The following KIF13A variants were observed in gnomAD, a reference collection of about 807,000 sequenced individuals.
The protein encoded by KIF13A is kinesin-like protein KIF13A.
In KIF13A, 79 loss-of-function variants were observed where a neutral mutation model predicts 212.2. The ratio of observed to expected loss-of-function variants is 0.37; its 90% CI spans 0.31 to 0.45. The LOEUF is 0.45. KIF13A is among the 20% of genes least tolerant of loss of function. The pLI is 1.00. For synonymous variants in KIF13A, 789 were observed against 808.6 expected (o/e 0.98, Z 0.41); for missense variants, 1,901 against 2,209.0 (o/e 0.86, Z 2.79).
chr6:17,946,806 A>G (rs1777440003), intron 2 of KIF13A, among the ~76,000 whole-genome samples: 1 of 152,256 alleles, frequency 6.6e-6, no homozygotes, highest in Non-Finnish European at 1.5e-5. Context: ...AATGTCCATC[A>G]ACAATGAAAG....
Position 17,789,336 on chromosome 6 carries a change from A to T in KIF13A, c.3261+536T>A, listed in dbSNP as rs919482240. Among the ~76,000 whole-genome samples, 2 of 152,158 alleles carry T rather than the reference A, an allele frequency of 1.3e-5. No individual in the cohort carries two copies. Among genetic ancestry groups the T allele is most frequent in the Non-Finnish European group, 2.9e-5 (2 of 68,024 alleles). The stretch of plus-strand genomic sequence containing the variant: ...AAGAAAGCTGGCTAAACAAAACACA[A>T]TTATGCGCATAAAATGTCTCCAATT... On this transcript the variant is annotated intron_variant, in intron 26 of 38. Coordinates refer to ENST00000259711, the MANE Select transcript of KIF13A (RefSeq NM_022113.6). The surrounding 1 kb of genome is among the most constrained non-coding windows in gnomAD (Gnocchi z 4.8).
chr6:17,928,380 T>A (rs557704427), intron 2 of KIF13A, among the ~76,000 whole-genome samples: 1 of 152,294 alleles, frequency 6.6e-6, no homozygotes, highest in African/African-American at 2.4e-5. Context: ...TGAGAGAATC[T>A]AGACACTCTC....
At position 17,845,204 on chromosome 6, in the gene KIF13A, G is replaced by A. The variant is rs189494083; in HGVS notation, c.830+4173C>T. On this transcript the variant is annotated intron_variant, in intron 9 of 38. Coordinates refer to ENST00000259711, the MANE Select transcript of KIF13A (RefSeq NM_022113.6). ...ATTCACGACCATGAGAACAGCATGAGGGAAACCGCTCCCATGATTCAATTA... is the reference window on the plus strand; with the variant it reads ...ATTCACGACCATGAGAACAGCATGAAGGAAACCGCTCCCATGATTCAATTA... Among the ~76,000 whole-genome samples the A allele has an allele frequency of 1.9e-4, 29 of 152,212 alleles. No homozygotes were observed. The East Asian group carries it at 4.4e-3, about 23-fold the overall frequency.
At chr6:17,881,380 T>C (rs1323673243) in intron 3 of KIF13A, 1 of 393,480 alleles carries the variant, frequency 2.5e-6, no homozygotes, top group South Asian at 2.0e-5. Flanking sequence ...TGTAGTACAG[T>C]TAAACTCCAC....
Position 17,915,616 on chromosome 6 carries a change from G to A in KIF13A, c.147-17436C>T, listed in dbSNP as rs1186820635. On this transcript the variant is annotated intron_variant, in intron 2 of 38. Transcript: ENST00000259711. The surrounding 1 kb of genome is among the most constrained non-coding windows in gnomAD (Gnocchi z 4.4). Reference sequence around the variant, plus strand: ...CCTACTGATTCTGTAGGACATCACTGCAGAACCATGTAGTTTCAATGTCAC... The same window carrying A: ...CCTACTGATTCTGTAGGACATCACTACAGAACCATGTAGTTTCAATGTCAC... Among the ~76,000 whole-genome samples the A allele has an allele frequency of 6.6e-6, 1 of 152,082 alleles. No individual in the cohort carries two copies. Among genetic ancestry groups the A allele is most frequent in the African/African-American group, 2.4e-5 (1 of 41,388 alleles).
At chr6:17,796,960 A>T (rs1762088625) in intron 22 of KIF13A, 140 bp from the exon 23 acceptor site, 1 of 464,516 alleles carries the variant, frequency 2.2e-6, no homozygotes, top group African/African-American at 2.0e-5. Context: ...GTTTTATAGA[A>T]AACCATAAAG....
intron 20 of KIF13A, among the ~76,000 whole-genome samples, chr6:17,802,932 G>GTTTTTTTTT (rs750485926): frequency 1.3e-4 from 14 of 111,144 alleles, no homozygotes; most frequent in East Asian, 3.0e-4. Context: ...TGTTTTTTTT[G>GTTTTTTTTT]TTTTTTTTTG....
At chr6:17,921,005 T>C (rs578216332) in intron 2 of KIF13A, among the ~76,000 whole-genome samples, 1 of 151,974 alleles carries the variant, frequency 6.6e-6, no homozygotes, top group Admixed American at 6.6e-5. Flanking sequence ...ACTGGAAAAA[T>C]TCCACTGCAA....
At chr6:17,911,322 T>G (rs542095435) in intron 2 of KIF13A, among the ~76,000 whole-genome samples, 1 of 152,340 alleles carries the variant, frequency 6.6e-6, no homozygotes, top group East Asian at 1.9e-4. Context: ...CCTTCGGGTG[T>G]GCATCAAATG....
Position 17,884,585 on chromosome 6 carries a change from G to A in KIF13A, c.160-11148C>T, listed in dbSNP as rs373710759. Among the ~76,000 whole-genome samples, 7 of 152,200 alleles carry A rather than the reference G, an allele frequency of 4.6e-5. No homozygotes were observed. The East Asian group carries it at 9.6e-4, about 21-fold the overall frequency. On this transcript the variant is annotated intron_variant, in intron 3 of 38. Transcript: ENST00000259711. The stretch of plus-strand genomic sequence containing the variant: ...ATGTGTGTGGGAGTTGCTACAGACT[G>A]TTTGGTTCTGTGTCAAAAATATCAA...
chr6:17,887,307 A>G (rs887108659), intron 3 of KIF13A, among the ~76,000 whole-genome samples: 1 of 152,180 alleles, frequency 6.6e-6, no homozygotes, highest in African/African-American at 2.4e-5. Flanking sequence ...TCAGGGAAAT[A>G]TATTTTCGTT....
At chr6:17,870,436 G>A (rs1206770004) in intron 4 of KIF13A, among the ~76,000 whole-genome samples, 1 of 151,702 alleles carries the variant, frequency 6.6e-6, no homozygotes, top group East Asian at 1.9e-4. Flanking sequence ...TGTATGTAAT[G>A]AAGTCATTTC....
intron 2 of KIF13A, among the ~76,000 whole-genome samples, chr6:17,964,874 G>C (rs1293678715): frequency 2.0e-5 from 3 of 152,164 alleles, no homozygotes; most frequent in Non-Finnish European, 4.4e-5. Context: ...CCAGGCTGGA[G>C]TGTAGTGGTG....
In KIF13A at chr6:17,933,659, G is replaced by A. The variant is rs114343808; in HGVS notation, c.147-35479C>T. On this transcript the variant is annotated intron_variant, in intron 2 of 38. Transcript: ENST00000259711. Reference sequence around the variant, plus strand: ...TTTTTTTTAAGTTTATTGATTTCCTGACACGGGAAAAATATTATGTACAGT... The same window carrying A: ...TTTTTTTTAAGTTTATTGATTTCCTAACACGGGAAAAATATTATGTACAGT... Among the ~76,000 whole-genome samples the A allele has an allele frequency of 5.7e-3, 866 of 152,110 alleles. 6 individuals carry two copies. Among genetic ancestry groups the A allele is most frequent in the African/African-American group, 0.02 (815 of 41,476 alleles).
chr6:17,770,187 A>G (rs1269857043), intron 38 of KIF13A, among the ~76,000 whole-genome samples: 3 of 151,724 alleles, frequency 2.0e-5, no homozygotes, highest in African/African-American at 7.3e-5. Flanking sequence ...GTGTCGCTGG[A>G]AAATGAGACT....
chr6:17,961,770 G>A lies in KIF13A; in HGVS notation c.146+25284C>T, dbSNP rs1289897281. Among the ~76,000 whole-genome samples the A allele has an allele frequency of 2.0e-5, 3 of 152,232 alleles. No individual in the cohort carries two copies. The highest frequency in any genetic ancestry group is 4.1e-4 in the South Asian group (2 of 4,822). On this transcript the variant is annotated intron_variant, in intron 2 of 38. Coordinates refer to ENST00000259711, the MANE Select transcript of KIF13A (RefSeq NM_022113.6). The surrounding 1 kb of genome is among the most constrained non-coding windows in gnomAD (Gnocchi z 4.1). ...AAGTAAGATGTCCACCTCCAGCAAC[G>A]ACATAGACTGCAGCGCACACCAGGC...
chr6:17,923,614 C>T (rs1042643119), intron 2 of KIF13A, among the ~76,000 whole-genome samples: 2 of 151,956 alleles, frequency 1.3e-5, no homozygotes, highest in African/African-American at 4.8e-5. Flanking sequence ...GGGTGACCCT[C>T]TTCACAATTA....
rs1765413719 is a variant in KIF13A at position 17,831,167 on chromosome 6, G to A, written c.1335C>T (p.Asp445=). ...CATTCAGATTGACTAAGTAGCATTT[G>A]TCATCCCCCACCTTGATACCGGACA... ...LEMSGIKVGD[D]KCYLVNLNAD... Residue 445 remains aspartate (D), a synonymous_variant, in exon 13 of 39, where the codon GAC becomes GAT. Coordinates refer to ENST00000259711, the MANE Select transcript of KIF13A (RefSeq NM_022113.6). 6.8e-6 allele frequency: 11 copies of A among 1,613,776 alleles called. No individual in the cohort carries two copies. The South Asian group carries it at 8.8e-5, about 13-fold the overall frequency.
At chr6:17,864,406 C>G (rs1459981749) in intron 4 of KIF13A, among the ~76,000 whole-genome samples, 1 of 152,316 alleles carries the variant, frequency 6.6e-6, no homozygotes, top group Non-Finnish European at 1.5e-5. Context: ...AATGTCAGAA[C>G]AACAGAGAGA....
Sources: gnomAD v4.1 joint callset for allele counts (sites outside exome capture counted in the v4.1 genomes callset) on GRCh38, gnomAD v4.1.1 for gene constraint, Gnocchi (gnomAD v3.1) non-coding constraint, MANE v1.5 for transcripts, NCBI Gene and HGNC (gene_info 2026-07-23, HGNC 2026-07-21) for gene names.